Variants in PDZD2 observed in about 807,000 individuals in gnomAD.
PDZD2 encodes PDZ domain containing 2, also known as PDZ domain-containing protein 2.
Under a neutral mutation model 220.7 loss-of-function variants are expected in PDZD2, and 90 were observed. The ratio of observed to expected loss-of-function variants is 0.41; its 90% CI spans 0.34 to 0.49. The LOEUF (loss-of-function observed/expected upper bound fraction) is 0.49. PDZD2 is among the 20% of genes least tolerant of loss of function. The pLI, the probability that PDZD2 is intolerant of heterozygous loss-of-function variation, is 0.28. For missense variants in PDZD2, 3,174 were observed against 3,608.5 expected, an observed-to-expected ratio of 0.88 and a Z score of 3.08; for synonymous variants, 1,375 against 1,450.5, an observed-to-expected ratio of 0.95 and a Z score of 1.18.
At position 31,983,277 on chromosome 5, in the gene PDZD2, C is replaced by T. The variant is rs1169883172; in HGVS notation, c.599C>T (p.Thr200Ile). 3.1e-6 allele frequency: 5 copies of T among 1,614,222 alleles called. No homozygotes were observed. The highest frequency in any genetic ancestry group is 1.1e-5 in the South Asian group (1 of 91,090). The change falls in exon 3 of 25, where the codon ACA becomes ATA. Residue 200 changes from threonine (T) to isoleucine (I), a missense_variant. Around this residue, in one of 4 missense-constraint regions of PDZD2, gnomAD observed 632 missense variants for 708.1 expected, o/e 0.89. Transcript: ENST00000438447. Reference protein sequence around the residue: ...NSSNSSEPGETPTLELGDRTA... With the variant: ...NSSNSSEPGEIPTLELGDRTA... ...AGCAACAGCTCTGAACCAGGAGAAA[C>T]ACCTACCTTGGAGCTGGGTGACCGA... is the stretch of plus-strand genomic sequence containing the variant.
At chr5:32,096,829 ATTTTTTTT>A (rs71831480) in intron 21 of PDZD2, among the ~76,000 whole-genome samples, 4 of 96,832 alleles carry the variant, frequency 4.1e-5, no homozygotes, top group African/African-American at 1.7e-4. Flanking sequence ...ATGTACTATG[ATTTTTTTT>A]TTTTTTTTTT....
chr5:31,761,478 G>A (rs1203662980), intron 1 of PDZD2, among the ~76,000 whole-genome samples: 12 of 151,560 alleles, frequency 7.9e-5, no homozygotes, highest in Admixed American at 7.9e-4. Context: ...GAGAATGTTG[G>A]TATTCTCGGG....
chr5:32,055,332 G>T (rs963834267), intron 10 of PDZD2, among the ~76,000 whole-genome samples: 11 of 152,038 alleles, frequency 7.2e-5, no homozygotes, highest in African/African-American at 2.7e-4. Context: ...TTCCCAAGTA[G>T]CCAGGACCAC....
At chr5:31,978,144 T>TA (rs1182673235) in intron 2 of PDZD2, among the ~76,000 whole-genome samples, 1 of 152,090 alleles carries the variant, frequency 6.6e-6, no homozygotes, top group Non-Finnish European at 1.5e-5. Flanking sequence ...AATTGCAAAT[T>TA]AAAAAAATAT....
At chr5:31,978,028 C>T (rs1037650141) in intron 2 of PDZD2, among the ~76,000 whole-genome samples, 1 of 152,166 alleles carries the variant, frequency 6.6e-6, no homozygotes, top group Non-Finnish European at 1.5e-5. Context: ...AAACTCAGAA[C>T]CGCATTTCTG....
chr5:31,746,691 C>A (rs980971132), intron 1 of PDZD2, among the ~76,000 whole-genome samples: 1 of 152,144 alleles, frequency 6.6e-6, no homozygotes, highest in African/African-American at 2.4e-5. Context: ...TGTCCTCACC[C>A]CGAGTTTCAG....
At chr5:32,051,759 TG>T (rs1738577277) in intron 8 of PDZD2, among the ~76,000 whole-genome samples, 1 of 152,212 alleles carries the variant, frequency 6.6e-6, no homozygotes, top group Non-Finnish European at 1.5e-5. Flanking sequence ...ATTTTCCAAA[TG>T]TGAGAGATGA....
chr5:31,691,667 A>T (rs656705), intron 1 of PDZD2, among the ~76,000 whole-genome samples: 117,623 of 151,304 alleles, frequency 0.78, 46,273 homozygotes, highest in East Asian at 0.93. Flanking sequence ...CACTGATTGG[A>T]GCATTTACAA....
Position 32,083,048 on chromosome 5 carries a change from A to G in PDZD2, c.3683-4083A>G, listed in dbSNP as rs1742115979. On this transcript the variant is annotated intron_variant, in intron 19 of 24. Coordinates refer to ENST00000438447, the MANE Select transcript of PDZD2 (RefSeq NM_178140.4). The surrounding 1 kb of genome is among the most constrained non-coding windows in gnomAD (Gnocchi z 4.1). ...TATTCTAGAAACTTAAGAAATTACA[A>G]TTGAGAGGGAAGTTTTGAAAGATAG... Among the ~76,000 whole-genome samples, 1 of 152,180 alleles carries G rather than the reference A, an allele frequency of 6.6e-6. No homozygotes were observed. The highest frequency in any genetic ancestry group is 2.1e-4 in the South Asian group (1 of 4,828).
chr5:31,769,641 A>T lies in PDZD2; in HGVS notation c.-360-29248A>T, dbSNP rs140878644. 5.1e-3 allele frequency among the ~76,000 whole-genome samples: 773 copies of T among 152,304 alleles called. 2 individuals are homozygous for T. Among genetic ancestry groups the T allele is most frequent in the Admixed American group, 7.8e-3 (120 of 15,294 alleles). ...TACTTTGAAACGCTGTTGTGTTCTGAGTCACTGAAGAGTTGGAAGAAGTCA... is the reference window on the plus strand; with the variant it reads ...TACTTTGAAACGCTGTTGTGTTCTGTGTCACTGAAGAGTTGGAAGAAGTCA... On this transcript the variant is annotated intron_variant, in intron 1 of 24. Transcript: ENST00000438447.
chr5:31,940,116 G>A (rs1391935465), intron 2 of PDZD2, among the ~76,000 whole-genome samples: 1 of 152,158 alleles, frequency 6.6e-6, no homozygotes, highest in Non-Finnish European at 1.5e-5. Context: ...CATTACCTAC[G>A]GTGGCACTGG....
In PDZD2 at chr5:32,037,352, G is replaced by A. The variant is rs1755639076; in HGVS notation, c.1519+10G>A. 3 of 1,439,764 alleles carry A rather than the reference G, an allele frequency of 2.1e-6. No individual in the cohort carries two copies. Among genetic ancestry groups the A allele is most frequent in the Admixed American group, 1.7e-5 (1 of 59,624 alleles). The allele number at this position is 1,439,764 out of a possible 1,614,324, so 89.2% of individuals were successfully genotyped here. The stretch of plus-strand genomic sequence containing the variant: ...AAGAGTCGCCTTTCAGGTAGGTGGG[G>A]GCTCTACCTGATGCAGCCTGTCTAG... On this transcript the variant is annotated intron_variant, in intron 7 of 24. Coordinates refer to ENST00000438447, the MANE Select transcript of PDZD2 (RefSeq NM_178140.4).
Position 32,087,028 on chromosome 5 carries a change from T to C in PDZD2, c.3683-103T>C. ...AAAATATTTGAGGTTGTTTATAATT[T>C]TCTAGTTTTTAATAATTGAGGGGCT... On this transcript the variant is annotated intron_variant, in intron 19 of 24. Transcript: ENST00000438447. This position sits in a 1 kb window ranked among gnomAD's most constrained non-coding sequence, Gnocchi z 4.0. 2.9e-6 allele frequency: 2 copies of C among 689,672 alleles called. No homozygotes were observed. The highest frequency in any genetic ancestry group is 2.6e-5 in the East Asian group (1 of 38,722). 42.7% of individuals were successfully genotyped at this position (689,672 alleles called of 1,614,324 possible).
chr5:31,808,134 G>A (rs376458912), intron 2 of PDZD2, among the ~76,000 whole-genome samples: 58 of 152,140 alleles, frequency 3.8e-4, no homozygotes, highest in African/African-American at 1.4e-3. Flanking sequence ...TGTAGTCTCT[G>A]GGGCCATTTA....
In PDZD2 at chr5:31,713,208, C is replaced by A. The variant is rs970543715; in HGVS notation, c.-361+73771C>A. Among the ~76,000 whole-genome samples, 17 of 152,288 alleles carry A rather than the reference C, an allele frequency of 1.1e-4. No individual in the cohort carries two copies. The East Asian group carries it at 3.1e-3, about 28-fold the overall frequency. On this transcript the variant is annotated intron_variant, in intron 1 of 24. Coordinates refer to ENST00000438447, the MANE Select transcript of PDZD2 (RefSeq NM_178140.4). ...GTATATTCATTGGTCTCAACATTTGCCATGTGTTTTCCCAAATGCCCTGTT... is the reference window on the plus strand; with the variant it reads ...GTATATTCATTGGTCTCAACATTTGACATGTGTTTTCCCAAATGCCCTGTT...
intron 1 of PDZD2, among the ~76,000 whole-genome samples, chr5:31,771,758 G>A (rs1030679812): frequency 4.6e-5 from 7 of 152,204 alleles, no homozygotes; most frequent in African/African-American, 7.2e-5. Flanking sequence ...GTGATTGGGT[G>A]TGGTTAGTAA....
chr5:31,649,023 C>T (rs1297353739), intron 1 of PDZD2, among the ~76,000 whole-genome samples: 1 of 152,024 alleles, frequency 6.6e-6, no homozygotes, highest in Non-Finnish European at 1.5e-5. Context: ...ATCCCTCCTG[C>T]CCCCCAACCC....
At chr5:31,884,826 A>G (rs1740294614) in intron 2 of PDZD2, among the ~76,000 whole-genome samples, 1 of 151,992 alleles carries the variant, frequency 6.6e-6, no homozygotes, top group Non-Finnish European at 1.5e-5. Flanking sequence ...TATTTTTAGT[A>G]GAGATAGAGT....
At chr5:31,985,276 T>C (rs1388086228) in intron 3 of PDZD2, among the ~76,000 whole-genome samples, 1 of 152,188 alleles carries the variant, frequency 6.6e-6, no homozygotes, top group East Asian at 1.9e-4. Flanking sequence ...AAAATAAGGT[T>C]GTGGGTATTG....
Sources: gnomAD v4.1 joint callset for allele counts (sites outside exome capture counted in the v4.1 genomes callset) on GRCh38, gnomAD v4.1.1 for gene constraint, gnomAD v4.1.1 regional missense constraint, Gnocchi (gnomAD v3.1) non-coding constraint, MANE v1.5 for transcripts, NCBI Gene and HGNC (gene_info 2026-07-23, HGNC 2026-07-21) for gene names.